PPARGC1B: variants seen among roughly 807,000 people sequenced by gnomAD.
The protein encoded by PPARGC1B is peroxisome proliferator-activated receptor gamma coactivator 1-beta.
A neutral mutation model predicts 101.6 loss-of-function variants in PPARGC1B; 34 were observed. That is an observed-to-expected ratio of 0.33 (90% confidence interval 0.25 to 0.45). PPARGC1B has a LOEUF of 0.45. Ranked by LOEUF, PPARGC1B falls within the 20% of genes least tolerant of loss-of-function variation. PPARGC1B has a pLI of 1.00. For missense variants in PPARGC1B, 1,234 were observed against 1,317.6 expected (o/e 0.94, Z 0.98); for synonymous variants, 548 against 539.3 (o/e 1.02, Z -0.22).
At chr5:149,753,588 C>A (rs907427737) in intron 1 of PPARGC1B, among the ~76,000 whole-genome samples, 1 of 152,148 alleles carries the variant, frequency 6.6e-6, no homozygotes, top group African/African-American at 2.4e-5. Context: ...TTCTAATTGA[C>A]TACTGCTGCT....
At chr5:149,823,055 G>A (rs1023548372) in intron 2 of PPARGC1B, among the ~76,000 whole-genome samples, 2 of 152,226 alleles carry the variant, frequency 1.3e-5, no homozygotes, top group Non-Finnish European at 2.9e-5. Flanking sequence ...GGACAGGGAC[G>A]TTGCCTTCCA....
intron 9 of PPARGC1B, 102 bp from the exon 10 acceptor site, chr5:149,842,154 G>T (rs1286698350): frequency 4.9e-6 from 7 of 1,439,246 alleles, no homozygotes; most frequent in Non-Finnish European, 6.6e-6. Context: ...ACTCAGCCAG[G>T]CATCATGGAC....
chr5:149,828,348 A>G (rs921641897), intron 3 of PPARGC1B, among the ~76,000 whole-genome samples: 2 of 152,248 alleles, frequency 1.3e-5, no homozygotes, highest in Non-Finnish European at 2.9e-5. Flanking sequence ...TTAGGCATAC[A>G]TCCTGAACCT....
At chr5:149,791,845 T>C (rs1757034400) in intron 1 of PPARGC1B, among the ~76,000 whole-genome samples, 1 of 152,222 alleles carries the variant, frequency 6.6e-6, no homozygotes, top group Non-Finnish European at 1.5e-5. Context: ...CTCAGTGCCT[T>C]GCAGTTTTCC....
intron 1 of PPARGC1B, among the ~76,000 whole-genome samples, chr5:149,787,456 A>T (rs1429058649): frequency 6.6e-6 from 1 of 152,220 alleles, no homozygotes; most frequent in African/African-American, 2.4e-5. Flanking sequence ...AATTGGCTCC[A>T]GGTTGGGATT....
chr5:149,739,083 T>C (rs1314614976), intron 1 of PPARGC1B, among the ~76,000 whole-genome samples: 2 of 152,220 alleles, frequency 1.3e-5, no homozygotes, highest in East Asian at 1.9e-4. Flanking sequence ...TAGGTTTCAA[T>C]GTCAGGTTCT....
chr5:149,772,401 G>A (rs979333206), intron 1 of PPARGC1B, among the ~76,000 whole-genome samples: 18 of 152,204 alleles, frequency 1.2e-4, no homozygotes, highest in African/African-American at 3.9e-4. Flanking sequence ...AGGCTGCATG[G>A]TGTTGCTGTG....
At chr5:149,760,386 C>G (rs1206115064) in intron 1 of PPARGC1B, among the ~76,000 whole-genome samples, 1 of 152,204 alleles carries the variant, frequency 6.6e-6, no homozygotes, top group African/African-American at 2.4e-5. Flanking sequence ...ACCAACTCAC[C>G]TGGATCTGAG....
chr5:149,832,593 G>A lies in PPARGC1B; in HGVS notation c.583-63G>A. On this transcript the variant is annotated intron_variant, in intron 4 of 11. Transcript: ENST00000309241. This position sits in a 1 kb window ranked among gnomAD's most constrained non-coding sequence, Gnocchi z 4.9. ...CAATGGGCCAGCCAGTGACCATGCG[G>A]ATGAGACACATGGGAGGAGTGTTTG... 1 of 1,336,480 alleles carries A rather than the reference G, an allele frequency of 7.5e-7. No individual in the cohort carries two copies. The highest frequency in any genetic ancestry group is 1.0e-6 in the Non-Finnish European group (1 of 977,798). The allele number at this position is 1,336,480 out of a possible 1,614,324, so 82.8% of individuals were successfully genotyped here.
At position 149,832,204 on chromosome 5, in the gene PPARGC1B, G is replaced by T. The variant is rs557755544; in HGVS notation, c.583-452G>T. Among the ~76,000 whole-genome samples the T allele has an allele frequency of 6.6e-6, 1 of 152,288 alleles. No homozygotes were observed. The highest frequency in any genetic ancestry group is 1.9e-4 in the East Asian group (1 of 5,178). On this transcript the variant is annotated intron_variant, in intron 4 of 11. Transcript: ENST00000309241. This position sits in a 1 kb window ranked among gnomAD's most constrained non-coding sequence, Gnocchi z 4.9. ...CACGCCTGTAATCCCAACTACTCGG[G>T]AGGCTGAGGCAGGAGAATCGCTTGA...
intron 2 of PPARGC1B, among the ~76,000 whole-genome samples, chr5:149,822,334 A>G (rs557287089): frequency 6.6e-6 from 1 of 152,288 alleles, no homozygotes; most frequent in East Asian, 1.9e-4. Context: ...GTGCGGCCCC[A>G]GTCCTGCAAG....
At chr5:149,842,511 C>A in intron 10 of PPARGC1B, 134 bp downstream of exon 10, 1 of 1,267,346 alleles carries the variant, frequency 7.9e-7, no homozygotes, top group South Asian at 1.5e-5. Context: ...TGTGGAAAGC[C>A]AGGCCCATGA....
chr5:149,835,142 A>G (rs554648718), intron 6 of PPARGC1B, among the ~76,000 whole-genome samples, 159 bp from the exon 7 acceptor site: 2 of 152,320 alleles, frequency 1.3e-5, no homozygotes, highest in East Asian at 3.9e-4. Flanking sequence ...AACAGCCGGG[A>G]TGGGGTTTCC....
intron 1 of PPARGC1B, among the ~76,000 whole-genome samples, chr5:149,761,237 G>C (rs560950448): frequency 3.0e-4 from 46 of 152,226 alleles, no homozygotes; most frequent in African/African-American, 9.6e-4. Flanking sequence ...AGTTATCTTT[G>C]TGTGTGTGTG....
intron 6 of PPARGC1B, 142 bp from the exon 7 acceptor site, chr5:149,835,159 G>A: frequency 2.6e-6 from 2 of 766,910 alleles, no homozygotes; most frequent in South Asian, 3.2e-5. Context: ...TTCCCCCAGA[G>A]CGAATGCATC....
At chr5:149,825,719 C>T (rs1466917966) in intron 2 of PPARGC1B, among the ~76,000 whole-genome samples, 2 of 152,200 alleles carry the variant, frequency 1.3e-5, no homozygotes, top group Non-Finnish European at 2.9e-5. Flanking sequence ...TCATTCTCCA[C>T]GTGCTGTTTA....
intron 10 of PPARGC1B, among the ~76,000 whole-genome samples, chr5:149,842,625 A>G (rs1759397224): frequency 6.6e-6 from 1 of 152,262 alleles, no homozygotes; most frequent in Admixed American, 6.5e-5. Context: ...TAAACTTCCC[A>G]GCACGCCAGG....
chr5:149,808,566 G>C (rs12189417), intron 1 of PPARGC1B, among the ~76,000 whole-genome samples: 25,991 of 152,052 alleles, frequency 0.17, 2,491 homozygotes, highest in South Asian at 0.35. Context: ...GAAAGAAACT[G>C]AACTCTCAGC....
chr5:149,837,362 C>G lies in PPARGC1B; in HGVS notation c.2618+289C>G, dbSNP rs1759146377. 6.6e-6 allele frequency among the ~76,000 whole-genome samples: 1 copy of G among 152,212 alleles called. No individual in the cohort carries two copies. The highest frequency in any genetic ancestry group is 2.4e-5 in the African/African-American group (1 of 41,460). On this transcript the variant is annotated intron_variant, in intron 8 of 11. Transcript: ENST00000309241. This position sits in a 1 kb window ranked among gnomAD's most constrained non-coding sequence, Gnocchi z 4.2. Reference sequence around the variant, plus strand: ...CTCCTGGCTATTTGTGGGCTTACGTCTATAAAGGAACTTGTCCCTTATCCA... The same window carrying G: ...CTCCTGGCTATTTGTGGGCTTACGTGTATAAAGGAACTTGTCCCTTATCCA...
Sources: gnomAD v4.1 joint callset for allele counts (sites outside exome capture counted in the v4.1 genomes callset) on GRCh38, gnomAD v4.1.1 for gene constraint, Gnocchi (gnomAD v3.1) non-coding constraint, MANE v1.5 for transcripts, NCBI Gene and HGNC (gene_info 2026-07-23, HGNC 2026-07-21) for gene names.